PLPPR5: variants seen among roughly 807,000 people sequenced by gnomAD.
PLPPR5 encodes phospholipid phosphatase-related protein type 5.
In PLPPR5, 16 loss-of-function variants were observed where a neutral mutation model predicts 33.9. That is an observed-to-expected ratio of 0.47 (90% CI 0.32 to 0.72). The LOEUF (loss-of-function observed/expected upper bound fraction) is 0.72, where lower values mean the gene tolerates loss of function less well. Ranked by LOEUF, PLPPR5 falls within the 30% of genes least tolerant of loss-of-function variation. PLPPR5 has a pLI of 0.03. For synonymous variants in PLPPR5, 163 were observed against 150.3 expected, an observed-to-expected ratio of 1.08 and a Z score of -0.62; for missense variants, 301 against 406.7, an observed-to-expected ratio of 0.74 and a Z score of 2.23.
chr1:99,002,581 G>A (rs1050159698), intron 1 of PLPPR5, among the ~76,000 whole-genome samples: 16 of 151,878 alleles, frequency 1.1e-4, no homozygotes, highest in Non-Finnish European at 8.8e-5. Flanking sequence ...ATGACTATTC[G>A]GTACCCAAAA....
At position 98,955,231 on chromosome 1, in the gene PLPPR5, T is replaced by C. The variant is rs933113642; in HGVS notation, c.370+1378A>G. Among the ~76,000 whole-genome samples the C allele has an allele frequency of 5.9e-5, 9 of 152,110 alleles. No individual in the cohort carries two copies. The East Asian group carries it at 1.7e-3, about 29-fold the overall frequency. On this transcript the variant is annotated intron_variant, in intron 2 of 5. Transcript: ENST00000263177. ...GAAACAAATGGGCTTTCATATTTTA[T>C]AAAATCATATAAGAAGAAGCATGCA...
intron 3 of PLPPR5, among the ~76,000 whole-genome samples, chr1:98,932,404 T>C (rs1470593645): frequency 6.6e-6 from 1 of 152,174 alleles, no homozygotes. Flanking sequence ...TACTCAATAC[T>C]CAGCCCTGGC....
chr1:99,001,284 G>C (rs921098848), intron 1 of PLPPR5, among the ~76,000 whole-genome samples: 1 of 151,764 alleles, frequency 6.6e-6, no homozygotes, highest in Non-Finnish European at 1.5e-5. Context: ...ACAGGCGCCC[G>C]CCACCATGCT....
At chr1:98,901,552 T>C (rs1251075047) in intron 5 of PLPPR5, among the ~76,000 whole-genome samples, 2 of 152,136 alleles carry the variant, frequency 1.3e-5, no homozygotes, top group Non-Finnish European at 2.9e-5. Context: ...TATTGAATTA[T>C]TGTTTTATCA....
intron 3 of PLPPR5, among the ~76,000 whole-genome samples, chr1:98,929,056 T>C (rs1224712853): frequency 2.0e-5 from 3 of 152,174 alleles, no homozygotes; most frequent in Admixed American, 2.0e-4. Context: ...AGTGTAAGCT[T>C]TGAGGAAAAG....
intron 1 of PLPPR5, among the ~76,000 whole-genome samples, chr1:98,993,523 A>C (rs1652531255): frequency 6.6e-6 from 1 of 152,090 alleles, no homozygotes; most frequent in African/African-American, 2.4e-5. Context: ...CAATTTAGTA[A>C]CTGAGCAAGC....
intron 1 of PLPPR5, chr1:98,991,415 C>T (rs1316938856): frequency 1.3e-5 from 2 of 152,044 alleles, no homozygotes; most frequent in African/African-American, 2.4e-5. Flanking sequence ...CCATTTTCTA[C>T]TCCATTTGCA....
chr1:98,964,850 G>A lies in PLPPR5; in HGVS notation c.238-8109C>T, dbSNP rs189594906. On this transcript the variant is annotated intron_variant, in intron 1 of 5. Transcript: ENST00000263177. The stretch of plus-strand genomic sequence containing the variant: ...GCAGGATCTTGTTCTGTTGCCCAGG[G>A]TGGAGTGCCATGGTGCAATCACAGC... 7.9e-4 allele frequency among the ~76,000 whole-genome samples: 120 copies of A among 152,208 alleles called. 1 individual carries two copies. Among genetic ancestry groups the A allele is most frequent in the Admixed American group, 3.7e-3 (56 of 15,274 alleles).
At chr1:98,981,410 A>G (rs1652060027) in intron 1 of PLPPR5, among the ~76,000 whole-genome samples, 1 of 152,008 alleles carries the variant, frequency 6.6e-6, no homozygotes, top group Admixed American at 6.6e-5. Context: ...TCTTCAGCCT[A>G]AACAACTTTG....
chr1:98,999,492 T>C (rs1429049522), intron 1 of PLPPR5, among the ~76,000 whole-genome samples: 4 of 152,212 alleles, frequency 2.6e-5, no homozygotes, highest in Admixed American at 2.6e-4. Context: ...GGTGTTTTTA[T>C]GTTCAGTTTA....
At position 98,897,811 on chromosome 1, in the gene PLPPR5, G is replaced by C. The variant is rs1239862683; in HGVS notation, c.934-4707C>G. ...ACCCAGCTTTCTCATCTGTGAAATA[G>C]AGATAAGAATACATACTTTTTGAAT... On this transcript the variant is annotated intron_variant, in intron 5 of 5. Coordinates refer to ENST00000263177, the MANE Select transcript of PLPPR5 (RefSeq NM_001037317.2). Among the ~76,000 whole-genome samples, 8 of 152,140 alleles carry C rather than the reference G, an allele frequency of 5.3e-5. No homozygotes were observed. In the East Asian group the frequency reaches 1.5e-3, roughly 29 times the overall value.
At position 98,912,634 on chromosome 1, in the gene PLPPR5, A is replaced by G. The variant is rs114710738; in HGVS notation, c.933+2152T>C. 7.9e-3 allele frequency among the ~76,000 whole-genome samples: 1,210 copies of G among 152,316 alleles called. 15 individuals carry two copies. Among genetic ancestry groups the G allele is most frequent in the African/African-American group, 0.028 (1,144 of 41,568 alleles). ...CTAACTGCAAGGGAAGCTGGGAAAT[A>G]TAGATTGTAGCTGGGCAGTCATGAA... On this transcript the variant is annotated intron_variant, in intron 5 of 5. Coordinates refer to ENST00000263177, the MANE Select transcript of PLPPR5 (RefSeq NM_001037317.2).
intron 5 of PLPPR5, among the ~76,000 whole-genome samples, chr1:98,909,231 T>TTCCCTTTCCC (rs1649025498): frequency 5.9e-5 from 4 of 67,346 alleles, no homozygotes; most frequent in African/African-American, 2.5e-4. Context: ...CTCCCTTCCC[T>TTCCCTTTCCC]TCCCTTTCCC....
intron 5 of PLPPR5, among the ~76,000 whole-genome samples, chr1:98,907,821 T>A (rs1648963778): frequency 6.6e-6 from 1 of 152,156 alleles, no homozygotes; most frequent in African/African-American, 2.4e-5. Context: ...TCTATACAAT[T>A]TTTTGTTGTT....
intron 3 of PLPPR5, among the ~76,000 whole-genome samples, chr1:98,927,013 C>A (rs540942405): frequency 6.6e-6 from 1 of 152,244 alleles, no homozygotes; most frequent in Middle Eastern, 3.4e-3. Flanking sequence ...GGTGGAAAGA[C>A]CATGGACTTT....
chr1:98,920,443 T>C (rs1161291245), intron 4 of PLPPR5, among the ~76,000 whole-genome samples: 1 of 128,082 alleles, frequency 7.8e-6, no homozygotes, highest in Non-Finnish European at 1.6e-5. Flanking sequence ...GTTTCAACTG[T>C]GGTGAGTCAA....
intron 5 of PLPPR5, among the ~76,000 whole-genome samples, chr1:98,896,767 G>A (rs1347876802): frequency 6.6e-6 from 1 of 151,924 alleles, no homozygotes; most frequent in Non-Finnish European, 1.5e-5. Flanking sequence ...CATTTTAAAA[G>A]CTCTAAGTTC....
intron 2 of PLPPR5, among the ~76,000 whole-genome samples, chr1:98,953,946 T>A (rs922478386): frequency 6.6e-6 from 1 of 152,332 alleles, no homozygotes; most frequent in Non-Finnish European, 1.5e-5. Context: ...TAGTAATTTA[T>A]TTCCACCTTA....
At chr1:98,900,449 C>G (rs901828164) in intron 5 of PLPPR5, among the ~76,000 whole-genome samples, 4 of 152,044 alleles carry the variant, frequency 2.6e-5, no homozygotes, top group African/African-American at 9.7e-5. Context: ...TATATGGTTA[C>G]AAAATTCTCT....
Sources: allele counts gnomAD v4.1 joint callset (sites outside exome capture counted in the v4.1 genomes callset), GRCh38; gene constraint gnomAD v4.1.1; transcripts MANE v1.5; gene names NCBI Gene and HGNC (gene_info 2026-07-23, HGNC 2026-07-21).